The following KIAA0513 variants were observed in gnomAD, a reference collection of about 807,000 sequenced individuals.
KIAA0513 encodes uncharacterized protein KIAA0513.
KIAA0513 carries 39 observed loss-of-function variants against 56.5 expected under a neutral mutation model. The observed-to-expected ratio is 0.69, with a 90% CI of 0.53 to 0.90. The LOEUF is 0.90. Among genes scored for constraint, KIAA0513 ranks in the 40% least tolerant of loss-of-function variants. The pLI, the probability that KIAA0513 is intolerant of heterozygous loss-of-function variation, is 0.00. For missense variants in KIAA0513, 591 were observed against 535.2 expected (o/e 1.10, Z -1.03); for synonymous variants, 268 against 215.6 (o/e 1.24, Z -2.13).
chr16:85,074,038 G>C (rs1460096700), intron 4 of KIAA0513, among the ~76,000 whole-genome samples: 1 of 151,842 alleles, frequency 6.6e-6, no homozygotes, highest in African/African-American at 2.4e-5. Flanking sequence ...AGTGCAGTGG[G>C]ATCTCAGCTC....
chr16:85,034,355 G>T (rs2073006777), intron 1 of KIAA0513, among the ~76,000 whole-genome samples: 1 of 152,144 alleles, frequency 6.6e-6, no homozygotes, highest in African/African-American at 2.4e-5. Context: ...ACTCCAGTCT[G>T]GGCGACAAGA....
rs758992293 is a variant in KIAA0513, at chr16:85,091,401, G to A, written c.*3076G>A. 2 of 152,180 alleles carry A rather than the reference G, an allele frequency of 1.3e-5. No homozygotes were observed. Among genetic ancestry groups the A allele is most frequent in the Non-Finnish European group, 2.9e-5 (2 of 68,044 alleles). The allele number at this position is 152,180 out of a possible 1,614,324, so 9.4% of individuals were successfully genotyped here. ...AGAGAACTCAATTCTGATGTCGTAA[G>A]TTCTCTGTAAGTGAAATGGGGTAGA... On this transcript the variant is annotated 3_prime_UTR_variant, in exon 13 of 13. Coordinates refer to ENST00000683363, the MANE Select transcript of KIAA0513 (RefSeq NM_001388359.1).
At chr16:85,033,133 C>T (rs552888431) in intron 1 of KIAA0513, among the ~76,000 whole-genome samples, 17 of 152,270 alleles carry the variant, frequency 1.1e-4, no homozygotes, top group Admixed American at 1.3e-4. Context: ...GACGTTTTTA[C>T]GAGAAGCATT....
Position 85,086,699 on chromosome 16 carries a change from G to A in KIAA0513, c.1066G>A (p.Glu356Lys), listed in dbSNP as rs1391645083. ...GCGCGACGACAGCCTCCGGTTCAAC[G>A]AGAACATCACCTTCGGGCAGCTGGG... is the stretch of plus-strand genomic sequence containing the variant. ...EERDDSLRFN[E>K]NITFGQLGTF... Residue 356 changes from glutamate (E) to lysine (K), a missense_variant, in exon 11 of 13, where the codon GAG (glutamate) becomes AAG (lysine). Transcript: ENST00000683363. 1 of 1,613,810 alleles carries A rather than the reference G, an allele frequency of 6.2e-7. No homozygotes were observed. Among genetic ancestry groups the A allele is most frequent in the Non-Finnish European group, 8.5e-7 (1 of 1,179,980 alleles).
chr16:85,088,386 G>C lies in KIAA0513; in HGVS notation c.*61G>C. On this transcript the variant is annotated 3_prime_UTR_variant, in exon 13 of 13. Coordinates refer to ENST00000683363, the MANE Select transcript of KIAA0513 (RefSeq NM_001388359.1). ...CATGTGCCATTCTCCCGGGCCCAGC[G>C]CCCGGCCGTCACCCCACCCGATGAC... 6.7e-7 allele frequency: 1 copy of C among 1,484,198 alleles called. No individual in the cohort carries two copies. The highest frequency in any genetic ancestry group is 9.3e-7 in the Non-Finnish European group (1 of 1,075,696). 91.9% of individuals were successfully genotyped at this position (1,484,198 alleles called of 1,614,324 possible).
chr16:85,084,239 C>CT (rs1259191095), intron 10 of KIAA0513, among the ~76,000 whole-genome samples: 1 of 129,380 alleles, frequency 7.7e-6, no homozygotes, highest in African/African-American at 2.9e-5. Flanking sequence ...TTTCTCTTTT[C>CT]TTTTCTTTTT....
At chr16:85,070,372 C>G (rs1254023322) in intron 2 of KIAA0513, among the ~76,000 whole-genome samples, 1 of 152,026 alleles carries the variant, frequency 6.6e-6, no homozygotes. Context: ...ATCCAAATAT[C>G]TGACTGTCTC....
intron 4 of KIAA0513, 69 bp downstream of exon 4, chr16:85,073,067 C>A (rs982417962): frequency 7.7e-7 from 1 of 1,304,286 alleles, no homozygotes; most frequent in Non-Finnish European, 1.1e-6. Flanking sequence ...TCCCTCCCCA[C>A]CCAGCCGTGT....
intron 1 of KIAA0513, among the ~76,000 whole-genome samples, chr16:85,046,789 C>G (rs139276586): frequency 6.6e-6 from 1 of 152,254 alleles, no homozygotes; most frequent in East Asian, 1.9e-4. Flanking sequence ...CCATTTGGTT[C>G]TCCTTTATAC....
intron 4 of KIAA0513, among the ~76,000 whole-genome samples, chr16:85,073,919 C>T (rs1270454521): frequency 6.6e-6 from 1 of 152,146 alleles, no homozygotes; most frequent in Non-Finnish European, 1.5e-5. Context: ...CCTTGTCTCC[C>T]AACCAAAAGA....
chr16:85,055,095 T>C (rs1478292744), intron 1 of KIAA0513, among the ~76,000 whole-genome samples: 1 of 152,026 alleles, frequency 6.6e-6, no homozygotes, highest in African/African-American at 2.4e-5. Flanking sequence ...GCTAATTTAG[T>C]TTATTTTTTT....
At chr16:85,054,991 C>T (rs567364613) in intron 1 of KIAA0513, among the ~76,000 whole-genome samples, 2 of 152,056 alleles carry the variant, frequency 1.3e-5, no homozygotes, top group African/African-American at 4.8e-5. Flanking sequence ...GGTACAATCT[C>T]GGTTTACTGC....
At position 85,046,588 on chromosome 16, in the gene KIAA0513, A is replaced by G. The variant is rs7184671; in HGVS notation, c.-173+18730A>G. Among the ~76,000 whole-genome samples, 463 of 152,298 alleles carry G rather than the reference A, an allele frequency of 3.0e-3. 2 individuals carry two copies. Among genetic ancestry groups the G allele is most frequent in the African/African-American group, 0.011 (437 of 41,560 alleles). ...GACGGCCCGTCTGTAGGCTGGTGCC[A>G]TCCTTCGAGGTCAGCTGGTGATACA... On this transcript the variant is annotated intron_variant, in intron 1 of 12. Coordinates refer to ENST00000683363, the MANE Select transcript of KIAA0513 (RefSeq NM_001388359.1).
chr16:85,035,213 C>T (rs779101461), intron 1 of KIAA0513, among the ~76,000 whole-genome samples: 14 of 152,208 alleles, frequency 9.2e-5, no homozygotes, highest in Non-Finnish European at 1.8e-4. Flanking sequence ...TTGCCCCCTT[C>T]GCTGCCTGTT....
intron 1 of KIAA0513, among the ~76,000 whole-genome samples, chr16:85,035,717 G>A (rs7194185): frequency 0.078 from 11,815 of 152,030 alleles, 783 homozygotes; most frequent in African/African-American, 0.16. Flanking sequence ...GGTGGCTCAC[G>A]CCTGTAATGC....
At chr16:85,041,527 G>GTAGGATT (rs1292498097) in intron 1 of KIAA0513, among the ~76,000 whole-genome samples, 8 of 152,150 alleles carry the variant, frequency 5.3e-5, no homozygotes, top group Non-Finnish European at 1.2e-4. Flanking sequence ...TCTTTGTTTC[G>GTAGGATT]TAGGATTTAT....
chr16:85,086,984 T>C lies in KIAA0513; in HGVS notation c.1092-88T>C, dbSNP rs1028964448. 8 of 1,265,096 alleles carry C rather than the reference T, an allele frequency of 6.3e-6. No individual in the cohort carries two copies. The African/African-American group carries it at 8.8e-5, about 14-fold the overall frequency. The allele number at this position is 1,265,096 out of a possible 1,614,324, so 78.4% of individuals were successfully genotyped here. On this transcript the variant is annotated intron_variant, in intron 11 of 12. Transcript: ENST00000683363. ...TCTGCTGACAATTCCAGGCAGGCCA[T>C]GGTGGGCGTCCCAGAGACAAGGGCC...
chr16:85,035,749 C>T (rs1277998753), intron 1 of KIAA0513, among the ~76,000 whole-genome samples: 4 of 152,070 alleles, frequency 2.6e-5, no homozygotes, highest in Non-Finnish European at 5.9e-5. Context: ...GAGGCTGAGG[C>T]GGGCGGATCA....
intron 1 of KIAA0513, among the ~76,000 whole-genome samples, chr16:85,039,757 G>A (rs1373083775): frequency 6.6e-6 from 1 of 151,966 alleles, no homozygotes; most frequent in East Asian, 1.9e-4. Context: ...ACAGGTGTGA[G>A]CCACCACTGC....
Sources: gnomAD v4.1 joint callset for allele counts (sites outside exome capture counted in the v4.1 genomes callset) on GRCh38, gnomAD v4.1.1 for gene constraint, MANE v1.5 for transcripts, NCBI Gene and HGNC (gene_info 2026-07-23, HGNC 2026-07-21) for gene names.